PTPRQ: variants seen among roughly 807,000 people sequenced by gnomAD.
PTPRQ encodes the protein protein tyrosine phosphatase receptor type Q.
Under a neutral mutation model 246.0 loss-of-function variants are expected in PTPRQ, and 199 were observed. The ratio of observed to expected loss-of-function variants is 0.81; its 90% confidence interval spans 0.72 to 0.91. PTPRQ has a LOEUF of 0.91. Among genes scored for constraint, PTPRQ ranks in the 40% least tolerant of loss-of-function variants. The pLI, the probability that PTPRQ is intolerant of heterozygous loss-of-function variation, is 0.00. For missense variants in PTPRQ, 2,624 were observed against 2,528.4 expected (o/e 1.04, Z -0.81); for synonymous variants, 869 against 853.2 (o/e 1.02, Z -0.32).
Position 80,444,267 on chromosome 12 carries a change from G to C in PTPRQ, c.-79G>C, listed in dbSNP as rs2084409800. The C allele has an allele frequency of 1.3e-6, 1 of 741,384 alleles. No individual in the cohort carries two copies. The highest frequency in any genetic ancestry group is 2.3e-5 in the Admixed American group (1 of 43,524). The allele number at this position is 741,384 out of a possible 1,614,324, so 45.9% of individuals were successfully genotyped here. ...AATTGTGTACTTGCCAGAAGGATCTGTCTTTAAATCATTAATGCAGGCAAC... is the reference window on the plus strand; with the variant it reads ...AATTGTGTACTTGCCAGAAGGATCTCTCTTTAAATCATTAATGCAGGCAAC... On this transcript the variant is annotated 5_prime_UTR_variant, in exon 1 of 45. Coordinates refer to ENST00000644991, the MANE Select transcript of PTPRQ (RefSeq NM_001145026.2).
chr12:80,605,201 T>C, intron 27 of PTPRQ, 21 bp downstream of exon 27: 1 of 1,535,324 alleles, frequency 6.5e-7, no homozygotes, highest in South Asian at 1.2e-5. Context: ...TCTTACCTTC[T>C]GTAAAAGCCA....
At chr12:80,524,004 T>C (rs1895600045) in intron 17 of PTPRQ, among the ~76,000 whole-genome samples, 1 of 152,168 alleles carries the variant, frequency 6.6e-6, no homozygotes. Context: ...AGTCTAAGTC[T>C]CTTTCTAGGT....
At chr12:80,533,457 G>A (rs1428894000) in intron 17 of PTPRQ, among the ~76,000 whole-genome samples, 2 of 151,980 alleles carry the variant, frequency 1.3e-5, no homozygotes, top group East Asian at 3.9e-4. Context: ...TTTCCTGTAT[G>A]ATATACATAC....
At position 80,618,360 on chromosome 12, in the gene PTPRQ, TCACACA is replaced by T. The variant is rs3071377; in HGVS notation, c.5231-985_5231-980del. The stretch of plus-strand genomic sequence containing the variant: ...ACTTACTGATGCTCAAGCACTACAT[TCACACA>T]CACACACACACACACACACACACAC... On this transcript the variant is annotated intron_variant, in intron 30 of 44. Transcript: ENST00000644991. Among the ~76,000 whole-genome samples, 767 of 125,622 alleles carry T rather than the reference TCACACA, an allele frequency of 6.1e-3. 7 individuals are homozygous for T. Among genetic ancestry groups the T allele is most frequent in the South Asian group, 0.018 (62 of 3,432 alleles). 82.4% of individuals were successfully genotyped at this position (125,622 alleles called of 152,430 possible). A position where few individuals can be genotyped will look rare whatever the true frequency, so the allele number is the denominator to read the frequency against.
chr12:80,557,384 G>A (rs1896675004), intron 25 of PTPRQ, among the ~76,000 whole-genome samples: 1 of 151,250 alleles, frequency 6.6e-6, no homozygotes, highest in Admixed American at 6.6e-5. Context: ...GTTCTCACAT[G>A]CTGCATGGGG....
chr12:80,659,849 A>T (rs1900571094), intron 39 of PTPRQ, among the ~76,000 whole-genome samples: 1 of 152,098 alleles, frequency 6.6e-6, no homozygotes, highest in African/African-American at 2.4e-5. Context: ...AAGCAGGCTC[A>T]GATGGAAGGC....
chr12:80,555,883 G>T (rs1896630872), intron 25 of PTPRQ, among the ~76,000 whole-genome samples: 1 of 152,098 alleles, frequency 6.6e-6, no homozygotes, highest in Non-Finnish European at 1.5e-5. Flanking sequence ...TTCTAGGTGT[G>T]GGGTTCAAGA....
chr12:80,552,365 TGA>T (rs905092913), intron 25 of PTPRQ, among the ~76,000 whole-genome samples: 1 of 151,920 alleles, frequency 6.6e-6, no homozygotes, highest in African/African-American at 2.4e-5. Flanking sequence ...GGGCAGGAGC[TGA>T]GTCTTTGAGA....
intron 39 of PTPRQ, among the ~76,000 whole-genome samples, chr12:80,665,955 C>A (rs1161715014): frequency 1.3e-5 from 2 of 151,990 alleles, no homozygotes; most frequent in East Asian, 3.9e-4. Flanking sequence ...CAAATGCCAG[C>A]AAGAATGCAG....
chr12:80,633,385 TC>T (rs1899516440), intron 34 of PTPRQ, among the ~76,000 whole-genome samples: 1 of 152,248 alleles, frequency 6.6e-6, no homozygotes, highest in South Asian at 2.1e-4. Flanking sequence ...TGCTGAATTT[TC>T]CAAGTGTATC....
intron 35 of PTPRQ, among the ~76,000 whole-genome samples, chr12:80,645,121 T>C (rs1269694443): frequency 1.3e-5 from 2 of 152,060 alleles, no homozygotes; most frequent in Admixed American, 6.5e-5. Context: ...AAAAGAGTGA[T>C]ACAAAAGAAA....
chr12:80,562,874 G>A (rs1389093076), intron 25 of PTPRQ, among the ~76,000 whole-genome samples: 1 of 151,770 alleles, frequency 6.6e-6, no homozygotes, highest in Non-Finnish European at 1.5e-5. Context: ...CAAATCTCTA[G>A]CAAGCCTGAC....
Position 80,540,264 on chromosome 12 carries a change from C to A in PTPRQ, c.3154+320C>A, listed in dbSNP as rs116912526. Among the ~76,000 whole-genome samples the A allele has an allele frequency of 3.0e-4, 45 of 152,034 alleles. No individual in the cohort carries two copies. The East Asian group carries it at 6.2e-3, about 21-fold the overall frequency. On this transcript the variant is annotated intron_variant, in intron 20 of 44. Transcript: ENST00000644991. The stretch of plus-strand genomic sequence containing the variant: ...GTAGTTAATTTATTTATTCATTTTC[C>A]TTAAGGACTTAAAAAATCTCTAGCA...
At chr12:80,567,560 T>C (rs1054378320) in intron 25 of PTPRQ, among the ~76,000 whole-genome samples, 1 of 152,226 alleles carries the variant, frequency 6.6e-6, no homozygotes, top group Non-Finnish European at 1.5e-5. Context: ...GTTTCACTTG[T>C]TCTTAAGCTG....
intron 25 of PTPRQ, among the ~76,000 whole-genome samples, chr12:80,581,264 AG>A (rs1262201812): frequency 6.6e-6 from 1 of 152,208 alleles, no homozygotes; most frequent in Non-Finnish European, 1.5e-5. Flanking sequence ...AATAAATAAA[AG>A]AAGGAAAGCA....
chr12:80,454,416 A>G (rs1399409559), intron 3 of PTPRQ: 1 of 464,312 alleles, frequency 2.2e-6, no homozygotes, highest in Admixed American at 3.9e-5. Context: ...AGTGAGATGA[A>G]CCCGGTACCT....
At chr12:80,580,149 T>C (rs1204828714) in intron 25 of PTPRQ, among the ~76,000 whole-genome samples, 2 of 152,204 alleles carry the variant, frequency 1.3e-5, no homozygotes, top group Non-Finnish European at 2.9e-5. Context: ...ATCTTCTAAG[T>C]AGAATTTACT....
chr12:80,616,610 T>C (rs1051623137), intron 30 of PTPRQ, among the ~76,000 whole-genome samples: 1 of 151,214 alleles, frequency 6.6e-6, no homozygotes, highest in Admixed American at 6.6e-5. Flanking sequence ...ATCATTAGAC[T>C]TTGACTAGGT....
At chr12:80,643,409 G>A (rs1899960372) in intron 35 of PTPRQ, among the ~76,000 whole-genome samples, 1 of 150,772 alleles carries the variant, frequency 6.6e-6, no homozygotes, top group Admixed American at 6.6e-5. Flanking sequence ...TTGCACTCCA[G>A]CCTGGGCAAC....
Sources: allele counts gnomAD v4.1 joint callset (sites outside exome capture counted in the v4.1 genomes callset), GRCh38; gene constraint gnomAD v4.1.1; transcripts MANE v1.5; gene names NCBI Gene and HGNC (gene_info 2026-07-23, HGNC 2026-07-21).